FMN1: variants seen among roughly 807,000 people sequenced by gnomAD.
FMN1 encodes the protein formin 1, also known as formin-1.
Under a neutral mutation model 132.4 loss-of-function variants are expected in FMN1, and 110 were observed. The observed-to-expected ratio is 0.83, with a 90% CI of 0.71 to 0.97. The LOEUF (loss-of-function observed/expected upper bound fraction) is 0.97. Among genes scored for constraint, FMN1 ranks in the 50% least tolerant of loss-of-function variants. The probability of loss-of-function intolerance (pLI) is 0.00; values close to 1 mark genes in which losing one functional copy is unlikely to be tolerated. For synonymous variants in FMN1, 722 were observed against 651.7 expected, an observed-to-expected ratio of 1.11 and a Z score of -1.64; for missense variants, 1,792 against 1,705.3, an observed-to-expected ratio of 1.05 and a Z score of -0.90.
chr15:32,781,311 T>C lies in FMN1; in HGVS notation c.4131-4392A>G, dbSNP rs530814195. On this transcript the variant is annotated intron_variant, in intron 19 of 20. Transcript: ENST00000616417. ...TCACATACTTGTTGGCATCTGTAAGTGGCTGAGTAGCTTAGCTCTTTATTT... is the reference window on the plus strand; with the variant it reads ...TCACATACTTGTTGGCATCTGTAAGCGGCTGAGTAGCTTAGCTCTTTATTT... Among the ~76,000 whole-genome samples, 42 of 152,350 alleles carry C rather than the reference T, an allele frequency of 2.8e-4. 1 individual carries two copies. The East Asian group carries it at 5.8e-3, about 21-fold the overall frequency.
intron 19 of FMN1, among the ~76,000 whole-genome samples, chr15:32,778,967 A>G (rs1567152994): frequency 1.3e-5 from 2 of 152,158 alleles, no homozygotes; most frequent in African/African-American, 4.8e-5. Flanking sequence ...ATACAATGGA[A>G]TACTACTGAG....
At position 32,766,413 on chromosome 15, in the gene FMN1, A is replaced by T. The variant is rs2056046662; in HGVS notation, c.*7897T>A. The T allele has an allele frequency of 6.6e-6, 1 of 152,144 alleles. No individual in the cohort carries two copies. The highest frequency in any genetic ancestry group is 1.5e-5 in the Non-Finnish European group (1 of 68,026). 9.4% of individuals were successfully genotyped at this position (152,144 alleles called of 1,614,324 possible). ...CACAGAAAGTTACTTGAGATTCAAA[A>T]ATCTGGCGTTCTGCATCATAGCTGG... On this transcript the variant is annotated 3_prime_UTR_variant, in exon 21 of 21. Coordinates refer to ENST00000616417, the MANE Select transcript of FMN1 (RefSeq NM_001277313.2).
chr15:32,899,010 T>C (rs1348308089), intron 14 of FMN1, 117 bp from the exon 15 acceptor site: 1 of 690,258 alleles, frequency 1.4e-6, no homozygotes, highest in African/African-American at 1.8e-5. Context: ...GGCTTTCTCT[T>C]CGATGCTGGC....
At chr15:32,880,774 A>G (rs2059751627) in intron 16 of FMN1, among the ~76,000 whole-genome samples, 1 of 152,342 alleles carries the variant, frequency 6.6e-6, no homozygotes, top group Admixed American at 6.5e-5. Context: ...ATGCTACTGA[A>G]AAGTCTGAAG....
intron 17 of FMN1, among the ~76,000 whole-genome samples, chr15:32,852,424 C>T (rs1418635174): frequency 2.0e-5 from 3 of 152,124 alleles, no homozygotes; most frequent in Non-Finnish European, 4.4e-5. Context: ...TGCTCTGTTG[C>T]TAAGGCTGGA....
intron 5 of FMN1, chr15:33,067,721 G>T (rs2141261256): frequency 6.2e-7 from 1 of 1,613,966 alleles, no homozygotes; most frequent in East Asian, 2.2e-5. Flanking sequence ...TTTCAGCACA[G>T]CATCTTCCTC....
chr15:32,791,784 G>A (rs74011979), intron 19 of FMN1, among the ~76,000 whole-genome samples: 5,735 of 152,218 alleles, frequency 0.038, 357 homozygotes, highest in African/African-American at 0.13. Flanking sequence ...AATAGGAGGA[G>A]GATAGTGTTG....
At chr15:33,064,858 T>C (rs1003102912) in intron 6 of FMN1, 99 bp downstream of exon 6, 3 of 799,634 alleles carry the variant, frequency 3.8e-6, no homozygotes, top group African/African-American at 1.7e-5. Context: ...CATTTTATAA[T>C]GAAATAAAAC....
chr15:32,907,124 G>T (rs1013480023), intron 12 of FMN1, among the ~76,000 whole-genome samples: 4 of 152,164 alleles, frequency 2.6e-5, no homozygotes, highest in African/African-American at 4.8e-5. Context: ...CACAGGCCAG[G>T]GGTTGGGGTT....
chr15:32,955,812 T>C (rs1183473353), intron 9 of FMN1, among the ~76,000 whole-genome samples: 3 of 96,272 alleles, frequency 3.1e-5, no homozygotes, highest in East Asian at 4.3e-4. Context: ...TGCGTGTGCG[T>C]GTGTGTGTGT....
intron 4 of FMN1, among the ~76,000 whole-genome samples, chr15:33,100,397 C>T (rs186449213): frequency 7.9e-4 from 120 of 152,094 alleles, no homozygotes; most frequent in African/African-American, 2.8e-3. Flanking sequence ...AATTGGTCTA[C>T]AACTTTGAAA....
intron 6 of FMN1, among the ~76,000 whole-genome samples, chr15:33,054,780 A>G (rs1426586575): frequency 6.6e-6 from 1 of 152,010 alleles, no homozygotes; most frequent in Non-Finnish European, 1.5e-5. Flanking sequence ...TTTTTGGTGA[A>G]AGCTTTTATG....
At chr15:32,953,777 T>A (rs2061704079) in intron 9 of FMN1, among the ~76,000 whole-genome samples, 1 of 152,116 alleles carries the variant, frequency 6.6e-6, no homozygotes, top group Non-Finnish European at 1.5e-5. Context: ...TGCCGCCAAA[T>A]GCATTTCTGT....
At chr15:33,090,414 G>A (rs952629370) in intron 4 of FMN1, among the ~76,000 whole-genome samples, 4 of 152,184 alleles carry the variant, frequency 2.6e-5, no homozygotes, top group South Asian at 4.1e-4. Context: ...AGGTTTGGCT[G>A]TTGTTTGCCT....
At chr15:33,013,505 C>T (rs1318281729) in intron 6 of FMN1, among the ~76,000 whole-genome samples, 1 of 152,036 alleles carries the variant, frequency 6.6e-6, no homozygotes, top group Non-Finnish European at 1.5e-5. Context: ...TGTGATTGAG[C>T]AAGGAGATGT....
At chr15:33,183,502 G>A (rs766831094) in intron 2 of FMN1, among the ~76,000 whole-genome samples, 4 of 152,038 alleles carry the variant, frequency 2.6e-5, no homozygotes, top group East Asian at 1.9e-4. Context: ...ACTCAACATC[G>A]AATTTCTATA....
intron 10 of FMN1, among the ~76,000 whole-genome samples, chr15:32,920,298 A>T (rs2060788003): frequency 6.6e-6 from 1 of 152,166 alleles, no homozygotes; most frequent in South Asian, 2.1e-4. Context: ...CATCCTATCT[A>T]GCAGATGGAA....
chr15:33,075,895 T>C (rs2038188568), intron 5 of FMN1, among the ~76,000 whole-genome samples: 1 of 152,240 alleles, frequency 6.6e-6, no homozygotes, highest in South Asian at 2.1e-4. Context: ...TCAAAAGTGC[T>C]GCTTCATTAC....
At chr15:33,113,742 A>AC (rs2039803422) in intron 4 of FMN1, among the ~76,000 whole-genome samples, 2 of 152,154 alleles carry the variant, frequency 1.3e-5, no homozygotes, top group Admixed American at 1.3e-4. Flanking sequence ...CTGGTGCTCC[A>AC]CCTCAGAGCC....
Sources: allele counts gnomAD v4.1 joint callset (sites outside exome capture counted in the v4.1 genomes callset), GRCh38; gene constraint gnomAD v4.1.1; transcripts MANE v1.5; gene names NCBI Gene and HGNC (gene_info 2026-07-23, HGNC 2026-07-21).